URB2: variants seen among roughly 807,000 people sequenced by gnomAD.
URB2 encodes URB2 ribosome biogenesis homolog.
Under a neutral mutation model 120.9 loss-of-function variants are expected in URB2, and 86 were observed. The ratio of observed to expected loss-of-function variants is 0.71; its 90% CI spans 0.60 to 0.85. The LOEUF is 0.85. Among genes scored for constraint, URB2 ranks in the 40% least tolerant of loss-of-function variants. URB2 has a pLI of 0.00. For missense variants in URB2, 1,765 were observed against 1,836.5 expected, an observed-to-expected ratio of 0.96 and a Z score of 0.71; for synonymous variants, 755 against 758.4, an observed-to-expected ratio of 1.00 and a Z score of 0.07.
rs1214769074 is a variant in URB2 at position 229,635,280 on chromosome 1, G to A, written c.667G>A (p.Gly223Ser). The change falls in exon 4 of 10, where the codon GGC (glycine) becomes AGC (serine). Residue 223 changes from glycine (G) to serine (S), a missense_variant. Transcript: ENST00000258243. Reference sequence around the variant, plus strand: ...GGGCACATGGACGCAGGCTGGCCAGGGCCAGCTGAGGCAGGTGCTGAGCCG... The same window carrying A: ...GGGCACATGGACGCAGGCTGGCCAGAGCCAGCTGAGGCAGGTGCTGAGCCG... ...SGGTWTQAGQ[G>S]QLRQVLSRDI... The A allele has an allele frequency of 2.2e-5, 36 of 1,614,120 alleles. No individual in the cohort carries two copies. The highest frequency in any genetic ancestry group is 1.2e-4 in the Admixed American group (7 of 60,018).
Position 229,636,427 on chromosome 1 carries a change from C to G in URB2, c.1814C>G (p.Ser605Cys). 6.2e-7 allele frequency: 1 copy of G among 1,614,242 alleles called. No homozygotes were observed. The highest frequency in any genetic ancestry group is 8.5e-7 in the Non-Finnish European group (1 of 1,180,038). ...CTGTGGCTGCAGAAGGTCAGTGACT[C>G]TGTGCTCCTGCTCTCTTACACTTGG... ...PELWLQKVSD[S>C]VLLLSYTWAQ... The change falls in exon 4 of 10, where the codon TCT becomes TGT. Residue 605 changes from serine (S) to cysteine (C), a missense_variant. Ser to Cys is a moderately radical substitution (Grantham distance 112). Coordinates refer to ENST00000258243, the MANE Select transcript of URB2 (RefSeq NM_014777.4).
At position 229,637,572 on chromosome 1, in the gene URB2, A is replaced by G; in HGVS notation, c.2959A>G (p.Ile987Val). ...SLFRASSRFL[I>V]EMDDPAWLEF... is the part of the protein sequence containing the mutation. ...GTTCAGAGCTAGTAGTAGGTTCCTT[A>G]TTGAGATGGATGATCCCGCTTGGCT... The change falls in exon 4 of 10, where the codon ATT becomes GTT. Residue 987 changes from isoleucine to valine, a missense_variant. Ile to Val is a conservative substitution (Grantham distance 29, BLOSUM62 3). Transcript: ENST00000258243. 1.2e-6 allele frequency: 2 copies of G among 1,614,194 alleles called. No individual in the cohort carries two copies. The highest frequency in any genetic ancestry group is 1.7e-6 in the Non-Finnish European group (2 of 1,180,030).
chr1:229,637,542 T>G lies in URB2; in HGVS notation c.2929T>G (p.Ser977Ala), dbSNP rs1450317261. The change falls in exon 4 of 10, where the codon TCA becomes GCA. Residue 977 changes from serine (S) to alanine (A), a missense_variant. By Grantham distance (99) the Ser-to-Ala change is moderately conservative. Transcript: ENST00000258243. ...TGATATTTTTGAGGTTGTACTGACC[T>G]CATTGTTCAGAGCTAGTAGTAGGTT... ...GSDIFEVVLTSLFRASSRFLI... is the reference protein window; with the variant it reads ...GSDIFEVVLTALFRASSRFLI... The G allele has an allele frequency of 6.2e-7, 1 of 1,614,136 alleles. No homozygotes were observed. The highest frequency in any genetic ancestry group is 8.5e-7 in the Non-Finnish European group (1 of 1,180,056).
chr1:229,657,019 C>T (rs186944271), intron 9 of URB2, among the ~76,000 whole-genome samples: 12 of 152,286 alleles, frequency 7.9e-5, no homozygotes, highest in Non-Finnish European at 1.5e-4. Context: ...TCCAGATGCT[C>T]CTTGACTTAA....
intron 2 of URB2, among the ~76,000 whole-genome samples, chr1:229,631,507 C>T (rs1402206150): frequency 2.6e-5 from 4 of 152,160 alleles, no homozygotes; most frequent in Admixed American, 2.6e-4. Flanking sequence ...TTATTTTTAG[C>T]TTTGGATTTA....
intron 9 of URB2, 36 bp from the exon 10 acceptor site, chr1:229,659,064 C>T: frequency 6.3e-7 from 1 of 1,592,670 alleles, no homozygotes; most frequent in Non-Finnish European, 8.6e-7. Flanking sequence ...ATCTCTGCCC[C>T]CAATTGTTCT....
chr1:229,654,405 T>A lies in URB2; in HGVS notation c.4377+17T>A. The A allele has an allele frequency of 1.2e-6, 2 of 1,614,164 alleles. No individual in the cohort carries two copies. Among genetic ancestry groups the A allele is most frequent in the Non-Finnish European group, 1.7e-6 (2 of 1,180,014 alleles). On this transcript the variant is annotated intron_variant, in intron 9 of 9. Transcript: ENST00000258243. ...GTACAGAAGGTAAAATTGGGTTCAA[T>A]GTCTTTCACCAAGTACTGTGTTTAT...
chr1:229,652,038 T>G (rs1052534192), intron 8 of URB2, among the ~76,000 whole-genome samples: 3 of 151,954 alleles, frequency 2.0e-5, no homozygotes, highest in African/African-American at 7.3e-5. Context: ...AAAAATTAGC[T>G]GGGCGTGATG....
In URB2 at chr1:229,638,114, T is replaced by C; in HGVS notation, c.3501T>C (p.Ala1167=). Residue 1167 remains alanine, a synonymous_variant, in exon 4 of 10, where the codon GCT becomes GCC. Transcript: ENST00000258243. ...VYSQILLELP[A]LAGHDQSFQA... ...CTCAGATACTGTTGGAGTTGCCAGC[T>C]CTCGCGGGACATGATCAGTCTTTTC... 6.2e-7 allele frequency: 1 copy of C among 1,614,224 alleles called. No homozygotes were observed. The highest frequency in any genetic ancestry group is 8.5e-7 in the Non-Finnish European group (1 of 1,180,046).
intron 3 of URB2, among the ~76,000 whole-genome samples, chr1:229,634,192 T>C (rs780038031): frequency 6.0e-5 from 9 of 149,838 alleles, no homozygotes; most frequent in Non-Finnish European, 1.2e-4. Flanking sequence ...AAAGTATAAT[T>C]GACTATAAAC....
Position 229,645,923 on chromosome 1 carries a change from C to G in URB2, c.3860C>G (p.Ala1287Gly). The G allele has an allele frequency of 6.2e-7, 1 of 1,614,188 alleles. No homozygotes were observed. Among genetic ancestry groups the G allele is most frequent in the South Asian group, 1.1e-5 (1 of 91,080 alleles). Residue 1287 changes from alanine (A) to glycine (G), a missense_variant, in exon 6 of 10, where the codon GCA (alanine) becomes GGA (glycine). Transcript: ENST00000258243. ...LLNCPLSGEK[A>G]SLLWRACPQI... ...AACTGCCCACTCAGTGGAGAGAAAGCAAGTCTGTTGTGGCGTGCGTGTCCC... is the reference window on the plus strand; with the variant it reads ...AACTGCCCACTCAGTGGAGAGAAAGGAAGTCTGTTGTGGCGTGCGTGTCCC...
At position 229,634,917 on chromosome 1, in the gene URB2, A is replaced by T. The variant is rs1159975508; in HGVS notation, c.304A>T (p.Ile102Phe). ...ATTTTCTTTCTTTCTTAATGTTCAGATCATCAATGAGAGAGTAGCTGAGTT... is the reference window on the plus strand; with the variant it reads ...ATTTTCTTTCTTTCTTAATGTTCAGTTCATCAATGAGAGAGTAGCTGAGTT... Reference protein sequence around the residue: ...TINLQISLVKIINERVAEFSL... With the variant: ...TINLQISLVKFINERVAEFSL... The change falls in exon 4 of 10, where the codon ATC (isoleucine) becomes TTC (phenylalanine). Residue 102 changes from isoleucine to phenylalanine, a missense_variant and splice_region_variant. Transcript: ENST00000258243. 28 of 1,516,818 alleles carry T rather than the reference A, an allele frequency of 1.8e-5. No individual in the cohort carries two copies. Among genetic ancestry groups the T allele is most frequent in the Non-Finnish European group, 2.2e-5 (25 of 1,132,150 alleles). The allele number at this position is 1,516,818 out of a possible 1,614,324, so 94.0% of individuals were successfully genotyped here.
At chr1:229,642,172 G>A (rs768682750) in intron 4 of URB2, among the ~76,000 whole-genome samples, 8 of 152,228 alleles carry the variant, frequency 5.3e-5, no homozygotes, top group African/African-American at 1.7e-4. Flanking sequence ...GAACCAGAGC[G>A]ATGGGACTCG....
chr1:229,636,458 G>A lies in URB2; in HGVS notation c.1845G>A (p.Gln615=), dbSNP rs1205276459. The A allele has an allele frequency of 1.2e-6, 2 of 1,614,114 alleles. No individual in the cohort carries two copies. Among genetic ancestry groups the A allele is most frequent in the Non-Finnish European group, 1.7e-6 (2 of 1,180,044 alleles). Residue 615 remains glutamine, a synonymous_variant, in exon 4 of 10, where the codon CAG becomes CAA. Coordinates refer to ENST00000258243, the MANE Select transcript of URB2 (RefSeq NM_014777.4). The part of the protein sequence containing the change: ...SVLLLSYTWA[Q]VDAMFSLNCS... ...TCCTGCTCTCTTACACTTGGGCCCA[G>A]GTGGACGCTATGTTCAGTTTGAACT...
chr1:229,640,405 T>C (rs1406197086), intron 4 of URB2, among the ~76,000 whole-genome samples: 3 of 152,218 alleles, frequency 2.0e-5, no homozygotes, highest in Admixed American at 2.0e-4. Context: ...AGATTTCTTG[T>C]TTCAAGATGG....
At chr1:229,634,407 G>A (rs976074369) in intron 3 of URB2, among the ~76,000 whole-genome samples, 1 of 152,028 alleles carries the variant, frequency 6.6e-6, no homozygotes, top group Admixed American at 6.5e-5. Context: ...GTTTCACCAC[G>A]TTGGCCAGGC....
chr1:229,636,078 G>A lies in URB2; in HGVS notation c.1465G>A (p.Val489Met). ...AGCTGCTGAGGCACTGAGGCAGCCT[G>A]TGCTGGCCTCGGGCCCCTCCACGGT... Reference protein sequence around the residue: ...RPAAEALRQPVLASGPSTVLS... With the variant: ...RPAAEALRQPMLASGPSTVLS... Residue 489 changes from valine (V) to methionine (M), a missense_variant, in exon 4 of 10, where the codon GTG (valine) becomes ATG (methionine). Transcript: ENST00000258243. 5 of 1,614,262 alleles carry A rather than the reference G, an allele frequency of 3.1e-6. No homozygotes were observed. Among genetic ancestry groups the A allele is most frequent in the Non-Finnish European group, 4.2e-6 (5 of 1,180,046 alleles).
At chr1:229,653,676 C>T (rs184872793) in intron 8 of URB2, among the ~76,000 whole-genome samples, 19 of 152,272 alleles carry the variant, frequency 1.2e-4, no homozygotes. Flanking sequence ...ACGGTCCTGA[C>T]ACCATATGGT....
chr1:229,659,044 G>C, intron 9 of URB2, 56 bp from the exon 10 acceptor site: 2 of 1,559,498 alleles, frequency 1.3e-6, no homozygotes, highest in Non-Finnish European at 1.8e-6. Flanking sequence ...TTGGCAGGTG[G>C]TGCGGCTTGA....
Sources: allele counts gnomAD v4.1 joint callset (sites outside exome capture counted in the v4.1 genomes callset), GRCh38; gene constraint gnomAD v4.1.1; transcripts MANE v1.5; gene names NCBI Gene and HGNC (gene_info 2026-07-23, HGNC 2026-07-21).